The following DENND3 variants were observed in gnomAD, a reference collection of about 807,000 sequenced individuals.
The protein encoded by DENND3 is DENN domain containing 3.
A neutral mutation model predicts 135.1 loss-of-function variants in DENND3; 88 were observed. The observed-to-expected ratio is 0.65, with a 90% CI of 0.55 to 0.78. The LOEUF (loss-of-function observed/expected upper bound fraction) is 0.78. DENND3 is among the 30% of genes least tolerant of loss of function. The pLI, the probability that DENND3 is intolerant of heterozygous loss-of-function variation, is 0.00. For synonymous variants in DENND3, 693 were observed against 712.3 expected (o/e 0.97, Z 0.43); for missense variants, 1,392 against 1,688.4 (o/e 0.82, Z 3.08).
chr8:141,138,627 C>T lies in DENND3; in HGVS notation c.501+490C>T, dbSNP rs746113561. Among the ~76,000 whole-genome samples the T allele has an allele frequency of 5.3e-5, 8 of 152,070 alleles. No individual in the cohort carries two copies. The highest frequency in any genetic ancestry group is 9.7e-5 in the African/African-American group (4 of 41,408). ...TTTCGAACTCCTGACCTCAGGTGAT[C>T]CACCCGCCTCAGCCTCCCAAAGTGC... On this transcript the variant is annotated intron_variant, in intron 3 of 22. Coordinates refer to ENST00000519811, the MANE Select transcript of DENND3 (RefSeq NM_001352890.3). This position sits in a 1 kb window ranked among gnomAD's most constrained non-coding sequence, Gnocchi z 4.8.
In DENND3 at chr8:141,141,922, TAGTCCCAGCTACTGGGA is replaced by T. The variant is rs1198941953; in HGVS notation, c.623+601_623+617del. ...AGTTGGGCATGGTGGTGTGTGCCTG[TAGTCCCAGCTACTGGGA>T]AGGCTAACGCAGGAGGATGGCTTAA... is the stretch of plus-strand genomic sequence containing the variant. On this transcript the variant is annotated intron_variant, in intron 4 of 22. Coordinates refer to ENST00000519811, the MANE Select transcript of DENND3 (RefSeq NM_001352890.3). This position sits in a 1 kb window ranked among gnomAD's most constrained non-coding sequence, Gnocchi z 5.3. 5.1e-6 allele frequency: 1 copy of T among 196,274 alleles called. No homozygotes were observed. Among genetic ancestry groups the T allele is most frequent in the Non-Finnish European group, 1.1e-5 (1 of 93,732 alleles). The allele number at this position is 196,274 out of a possible 1,614,324, so 12.2% of individuals were successfully genotyped here.
chr8:141,143,576 T>A (rs1281523171), intron 4 of DENND3, among the ~76,000 whole-genome samples: 5 of 152,180 alleles, frequency 3.3e-5, no homozygotes, highest in Admixed American at 1.3e-4. Flanking sequence ...GGATAATTTT[T>A]AAATTTTTTG....
At chr8:141,190,224 T>G in intron 19 of DENND3, 60 bp from the exon 20 acceptor site, 1 of 1,478,660 alleles carries the variant, frequency 6.8e-7, no homozygotes, top group Non-Finnish European at 9.0e-7. Context: ...TGGGTTAAAA[T>G]GTGCACAGTG....
intron 16 of DENND3, among the ~76,000 whole-genome samples, chr8:141,179,173 C>T (rs925385930): frequency 1.3e-5 from 2 of 152,246 alleles, no homozygotes; most frequent in Non-Finnish European, 2.9e-5. Context: ...CCCTCTCCCA[C>T]GTGACCCAGA....
In DENND3 at chr8:141,190,172, C is replaced by T. The variant is rs571307019; in HGVS notation, c.3246-112C>T. On this transcript the variant is annotated intron_variant, in intron 19 of 22. Transcript: ENST00000519811. ...GTTATTATCATGTTTGCAGGTTATC[C>T]GTGTTGAGCACATTTTCTCTCATGG... The T allele has an allele frequency of 1.0e-5, 14 of 1,355,576 alleles. No homozygotes were observed. The African/African-American group carries it at 1.3e-4, about 13-fold the overall frequency. The allele number at this position is 1,355,576 out of a possible 1,614,324, so 84.0% of individuals were successfully genotyped here. A position where few individuals can be genotyped will look rare whatever the true frequency, so the allele number is the denominator to read the frequency against.
chr8:141,171,765 G>A (rs766316545), intron 13 of DENND3, among the ~76,000 whole-genome samples: 13 of 151,820 alleles, frequency 8.6e-5, no homozygotes, highest in Admixed American at 2.0e-4. Flanking sequence ...TGTGCACAGC[G>A]GCCATGGGTG....
chr8:141,194,339 C>T lies in DENND3; in HGVS notation c.*106C>T. The T allele has an allele frequency of 7.3e-7, 1 of 1,363,976 alleles. No homozygotes were observed. The highest frequency in any genetic ancestry group is 1.0e-6 in the Non-Finnish European group (1 of 997,324). The allele number at this position is 1,363,976 out of a possible 1,614,324, so 84.5% of individuals were successfully genotyped here. A position where few individuals can be genotyped will look rare whatever the true frequency, so the allele number is the denominator to read the frequency against. Reference sequence around the variant, plus strand: ...CTGGAGGGGTGGCAGGGCAGAGCAGCCCAGGCTCAGCATGGAGCCCACTTA... The same window carrying T: ...CTGGAGGGGTGGCAGGGCAGAGCAGTCCAGGCTCAGCATGGAGCCCACTTA... On this transcript the variant is annotated 3_prime_UTR_variant, in exon 23 of 23. Coordinates refer to ENST00000519811, the MANE Select transcript of DENND3 (RefSeq NM_001352890.3).
rs750450951 is a variant in DENND3, at chr8:141,166,227, G to A, written c.1591G>A (p.Val531Ile). 1.9e-5 allele frequency: 30 copies of A among 1,614,164 alleles called. No homozygotes were observed. The highest frequency in any genetic ancestry group is 9.9e-5 in the South Asian group (9 of 91,086). The change falls in exon 12 of 23, where the codon GTT becomes ATT. Residue 531 changes from valine to isoleucine, a missense_variant. Coordinates refer to ENST00000519811, the MANE Select transcript of DENND3 (RefSeq NM_001352890.3). This position sits in a 1 kb window ranked among gnomAD's most constrained non-coding sequence, Gnocchi z 4.3. ...GCTTCTAAGTCCAAGGAGACCGACC[G>A]TTGAGAAAAGAGCCTCCCGGAAGTC... ...GMLLSPRRPT[V>I]EKRASRKSSH...
In DENND3 at chr8:141,168,492, A is replaced by G; in HGVS notation, c.2242A>G (p.Ile748Val). The G allele has an allele frequency of 6.2e-7, 1 of 1,612,716 alleles. No homozygotes were observed. Among genetic ancestry groups the G allele is most frequent in the South Asian group, 1.1e-5 (1 of 91,066 alleles). The change falls in exon 13 of 23, where the codon ATC becomes GTC. Residue 748 changes from isoleucine to valine, a missense_variant. Coordinates refer to ENST00000519811, the MANE Select transcript of DENND3 (RefSeq NM_001352890.3). The surrounding 1 kb of genome is among the most constrained non-coding windows in gnomAD (Gnocchi z 6.2). ...GTCAGGGATCGTGAAGGACGCCAGCATCATACACCGGCTGTTCGAGGCCTT... is the reference window on the plus strand; with the variant it reads ...GTCAGGGATCGTGAAGGACGCCAGCGTCATACACCGGCTGTTCGAGGCCTT... The part of the protein sequence containing the change: ...QESGIVKDAS[I>V]IHRLFEALTV...
chr8:141,156,033 C>T (rs2154612998), intron 8 of DENND3, 63 bp downstream of exon 8: 1 of 1,498,016 alleles, frequency 6.7e-7, no homozygotes, highest in East Asian at 2.4e-5. Flanking sequence ...GTATTTGCCA[C>T]TTCGAGTATC....
chr8:141,143,952 C>T, intron 4 of DENND3, 196 bp from the exon 5 acceptor site: 1 of 509,164 alleles, frequency 2.0e-6, no homozygotes, highest in African/African-American at 2.0e-5. Flanking sequence ...TCCCTTTGTG[C>T]CACCTGTCAG....
intron 19 of DENND3, among the ~76,000 whole-genome samples, chr8:141,189,517 G>A (rs1264183706): frequency 1.3e-5 from 2 of 152,202 alleles, no homozygotes; most frequent in African/African-American, 4.8e-5. Context: ...GTTGGCCTTG[G>A]GCTGCCTGTT....
Position 141,151,736 on chromosome 8 carries a change from C to G in DENND3, c.973C>G (p.Pro325Ala). ...AYLYPLQWQH[P>A]FVPILSDQML... ...CCTGTATCCGCTGCAGTGGCAGCAC[C>G]CCTTCGTGCCCATCCTGTCGGACCA... The change falls in exon 7 of 23, where the codon CCC becomes GCC. Residue 325 changes from proline to alanine, a missense_variant. Pro to Ala is a conservative substitution (Grantham distance 27). Coordinates refer to ENST00000519811, the MANE Select transcript of DENND3 (RefSeq NM_001352890.3). 6.2e-7 allele frequency: 1 copy of G among 1,614,188 alleles called. No individual in the cohort carries two copies.
chr8:141,156,096 T>A (rs1449014074), intron 8 of DENND3, 126 bp downstream of exon 8: 3 of 1,299,548 alleles, frequency 2.3e-6, no homozygotes, highest in Non-Finnish European at 3.0e-6. Context: ...GTTTGGAAAT[T>A]ATTTGTGAAT....
In DENND3 at chr8:141,128,929, G is replaced by A. The variant is rs116915947; in HGVS notation, c.102+120G>A. 5 of 741,418 alleles carry A rather than the reference G, an allele frequency of 6.7e-6. No individual in the cohort carries two copies. Among genetic ancestry groups the A allele is most frequent in the African/African-American group, 3.7e-5 (2 of 53,784 alleles). 45.9% of individuals were successfully genotyped at this position (741,418 alleles called of 1,614,324 possible). A position where few individuals can be genotyped will look rare whatever the true frequency, so the allele number is the denominator to read the frequency against. ...GCGGACTTTCCGAGGGCTGAGTCCCGGTCCCCCGGCGGTGACCCCGCGCGC... is the reference window on the plus strand; with the variant it reads ...GCGGACTTTCCGAGGGCTGAGTCCCAGTCCCCCGGCGGTGACCCCGCGCGC... On this transcript the variant is annotated intron_variant, in intron 1 of 22. Transcript: ENST00000519811. The surrounding 1 kb of genome is among the most constrained non-coding windows in gnomAD (Gnocchi z 4.5).
At position 141,168,441 on chromosome 8, in the gene DENND3, G is replaced by T; in HGVS notation, c.2191G>T (p.Gly731Cys). The stretch of plus-strand genomic sequence containing the variant: ...GCTGCCCAAGAAGCACATGCAGCTG[G>T]GCGACTTCATGAAGCGGGTCCAGGA... ...FKLPKKHMQL[G>C]DFMKRVQESG... The change falls in exon 13 of 23, where the codon GGC (glycine) becomes TGC (cysteine). Residue 731 changes from glycine to cysteine, a missense_variant. Transcript: ENST00000519811. The surrounding 1 kb of genome is among the most constrained non-coding windows in gnomAD (Gnocchi z 6.2). The T allele has an allele frequency of 6.2e-7, 1 of 1,613,852 alleles. No individual in the cohort carries two copies. Among genetic ancestry groups the T allele is most frequent in the South Asian group, 1.1e-5 (1 of 91,090 alleles).
chr8:141,141,458 G>A lies in DENND3; in HGVS notation c.623+134G>A, dbSNP rs307768. 12,656 of 1,085,034 alleles carry A rather than the reference G, an allele frequency of 0.012. 1,060 individuals carry two copies. The African/African-American group carries it at 0.18, about 15-fold the overall frequency. The allele number at this position is 1,085,034 out of a possible 1,614,324, so 67.2% of individuals were successfully genotyped here. A position where few individuals can be genotyped will look rare whatever the true frequency, so the allele number is the denominator to read the frequency against. ...TCCTCTCCTGGTGAGCCGGGGGACC[G>A]GGCGCTGGGGGCAGTAGGAGGGGCA... On this transcript the variant is annotated intron_variant, in intron 4 of 22. Coordinates refer to ENST00000519811, the MANE Select transcript of DENND3 (RefSeq NM_001352890.3). This position sits in a 1 kb window ranked among gnomAD's most constrained non-coding sequence, Gnocchi z 5.3.
At chr8:141,129,017 C>T (rs1489333133) in intron 1 of DENND3, among the ~76,000 whole-genome samples, 1 of 152,204 alleles carries the variant, frequency 6.6e-6, no homozygotes, top group East Asian at 1.9e-4. Context: ...TGCTCCCCTC[C>T]CCTCTTCTCT....
intron 5 of DENND3, among the ~76,000 whole-genome samples, chr8:141,148,184 G>A (rs1194503941): frequency 1.3e-5 from 2 of 152,164 alleles, no homozygotes; most frequent in Non-Finnish European, 2.9e-5. Context: ...TTTTGAATGC[G>A]TGTGTGTGCG....
Sources: allele counts gnomAD v4.1 joint callset (sites outside exome capture counted in the v4.1 genomes callset), GRCh38; gene constraint gnomAD v4.1.1; non-coding constraint Gnocchi (gnomAD v3.1); transcripts MANE v1.5; gene names NCBI Gene and HGNC (gene_info 2026-07-23, HGNC 2026-07-21).